THOC1: variants seen among roughly 807,000 people sequenced by gnomAD.
THOC1 encodes the protein THO complex 1.
In THOC1, 29 loss-of-function variants were observed where a neutral mutation model predicts 97.3. The ratio of observed to expected loss-of-function variants is 0.30; its 90% confidence interval spans 0.22 to 0.41. The LOEUF is 0.41. THOC1 is among the 10% of genes least tolerant of loss of function. The pLI is 1.00. For missense variants in THOC1, 529 were observed against 761.9 expected, an observed-to-expected ratio of 0.69 and a Z score of 3.60; for synonymous variants, 255 against 257.0, an observed-to-expected ratio of 0.99 and a Z score of 0.07.
intron 17 of THOC1, among the ~76,000 whole-genome samples, chr18:221,890 G>A (rs965908575): frequency 6.6e-6 from 1 of 152,158 alleles, no homozygotes; most frequent in Non-Finnish European, 1.5e-5. Flanking sequence ...TTACAGGTAT[G>A]AGCCACCGCG....
At chr18:262,073 G>A (rs1326669238) in intron 4 of THOC1, among the ~76,000 whole-genome samples, 1 of 152,138 alleles carries the variant, frequency 6.6e-6, no homozygotes, top group Non-Finnish European at 1.5e-5. Context: ...TCACAATGTT[G>A]TTTTCTGCAT....
In THOC1 at chr18:268,020, C is replaced by T. The variant is rs186687400; in HGVS notation, c.-1G>A. 1.9e-6 allele frequency: 3 copies of T among 1,595,516 alleles called. No individual in the cohort carries two copies. The highest frequency in any genetic ancestry group is 2.7e-5 in the African/African-American group (2 of 74,682). On this transcript the variant is annotated 5_prime_UTR_variant, in exon 1 of 21. Coordinates refer to ENST00000261600, the MANE Select transcript of THOC1 (RefSeq NM_005131.3). ...TGAAGAGCGGCGGCGTCGGAGACAT[C>T]TTCTCGGCTGCGCGTGCCCGCCACT...
intron 17 of THOC1, among the ~76,000 whole-genome samples, chr18:221,071 C>G (rs145742284): frequency 1.2e-3 from 180 of 152,226 alleles, no homozygotes; most frequent in African/African-American, 4.3e-3. Flanking sequence ...TCTACATTTT[C>G]CAATTTCCAT....
intron 11 of THOC1, among the ~76,000 whole-genome samples, chr18:239,733 A>G (rs1173673317): frequency 6.6e-6 from 1 of 152,272 alleles, no homozygotes; most frequent in Non-Finnish European, 1.5e-5. Context: ...TTTAAAAACC[A>G]AAGTTTTAAA....
At chr18:220,658 G>A (rs672856) in intron 17 of THOC1, among the ~76,000 whole-genome samples, 95,038 of 151,948 alleles carry the variant, frequency 0.63, 29,902 homozygotes, top group South Asian at 0.77. Flanking sequence ...GAAGTTCCCC[G>A]TCTTCTCAGA....
chr18:240,048 T>C (rs1911844372), intron 11 of THOC1, among the ~76,000 whole-genome samples: 1 of 152,232 alleles, frequency 6.6e-6, no homozygotes, highest in African/African-American at 2.4e-5. Context: ...GTAAAAATAA[T>C]GAGAGTTCTC....
chr18:238,920 G>C (rs1290210251), intron 11 of THOC1, among the ~76,000 whole-genome samples: 1 of 152,056 alleles, frequency 6.6e-6, no homozygotes, highest in Non-Finnish European at 1.5e-5. Context: ...ACTTTTCTTT[G>C]ATTAAACCAC....
chr18:247,785 A>G (rs1322290119), intron 10 of THOC1, 64 bp downstream of exon 10: 1 of 933,380 alleles, frequency 1.1e-6, no homozygotes, highest in African/African-American at 1.7e-5. Flanking sequence ...GACAAGATTA[A>G]GTTTTAGCTC....
intron 9 of THOC1, among the ~76,000 whole-genome samples, chr18:249,796 T>C (rs1912221826): frequency 1.3e-5 from 2 of 152,206 alleles, no homozygotes; most frequent in African/African-American, 2.4e-5. Context: ...GTTCCATACA[T>C]TTGATAAAGA....
intron 11 of THOC1, among the ~76,000 whole-genome samples, chr18:237,589 A>G (rs1368861785): frequency 6.6e-6 from 1 of 151,224 alleles, no homozygotes; most frequent in Non-Finnish European, 1.5e-5. Flanking sequence ...GAATATACCC[A>G]TTTTCTCCCC....
chr18:244,910 T>C (rs1405707609), intron 11 of THOC1: 1 of 140,408 alleles, frequency 7.1e-6, no homozygotes, highest in African/African-American at 2.7e-5. Context: ...TCTCATCACC[T>C]TCTTCAGTTC....
At chr18:215,293 T>C (rs933936257) in intron 20 of THOC1, 136 bp downstream of exon 20, 5 of 711,108 alleles carry the variant, frequency 7.0e-6, no homozygotes, top group Non-Finnish European at 9.7e-6. Context: ...ATGTTTTAAA[T>C]TCCTCACTAT....
Position 252,539 on chromosome 18 carries a change from C to A in THOC1, c.677G>T (p.Cys226Phe), listed in dbSNP as rs1456033317. The A allele has an allele frequency of 6.2e-7, 1 of 1,610,712 alleles. No homozygotes were observed. The highest frequency in any genetic ancestry group is 2.2e-5 in the East Asian group (1 of 44,782). Residue 226 changes from cysteine to phenylalanine, a missense_variant and splice_region_variant, in exon 9 of 21, where the codon TGC (cysteine) becomes TTC (phenylalanine). Physicochemically the swap from Cys to Phe is radical, Grantham distance 205. Transcript: ENST00000261600. Reference protein sequence around the residue: ...EMGDEEAPTTCSIPIDYNLYR... With the variant: ...EMGDEEAPTTFSIPIDYNLYR... ...AAAAGCTTAGGCTCTGAAAACTCAC[C>A]ACGTTGTTGGAGCTTCCTCGTCTCC...
intron 12 of THOC1, 103 bp downstream of exon 12, chr18:226,698 C>G: frequency 1.3e-6 from 1 of 763,396 alleles, no homozygotes; most frequent in Non-Finnish European, 2.1e-6. Flanking sequence ...TTTAGGGATA[C>G]AGCCTTAACA....
At chr18:253,168 T>A (rs949232420) in intron 8 of THOC1, among the ~76,000 whole-genome samples, 1 of 152,232 alleles carries the variant, frequency 6.6e-6, no homozygotes, top group Non-Finnish European at 1.5e-5. Context: ...CATGTGCCAC[T>A]GGTGGCTGTA....
intron 16 of THOC1, among the ~76,000 whole-genome samples, chr18:223,729 T>G (rs1388902054): frequency 6.6e-6 from 1 of 152,160 alleles, no homozygotes; most frequent in African/African-American, 2.4e-5. Flanking sequence ...TAATCTTTAG[T>G]TTTTTCTAAA....
At chr18:241,819 G>C (rs909222329) in intron 11 of THOC1, among the ~76,000 whole-genome samples, 2 of 152,112 alleles carry the variant, frequency 1.3e-5, no homozygotes, top group Non-Finnish European at 2.9e-5. Context: ...CCTTTTATTT[G>C]GTATAAGTTG....
chr18:224,840 A>T lies in THOC1; in HGVS notation c.1208+84T>A. On this transcript the variant is annotated intron_variant, in intron 15 of 20. Coordinates refer to ENST00000261600, the MANE Select transcript of THOC1 (RefSeq NM_005131.3). ...TATACATGTATTTTTACATGCTATA[A>T]TCATATCGGAGCACATTTTCAAAAG... The T allele has an allele frequency of 2.7e-6, 3 of 1,094,814 alleles. No individual in the cohort carries two copies. In the South Asian group the frequency reaches 4.2e-5, roughly 15 times the overall value. 67.8% of individuals were successfully genotyped at this position (1,094,814 alleles called of 1,614,324 possible).
intron 4 of THOC1, 29 bp downstream of exon 4, chr18:263,997 T>TAAACA: frequency 6.4e-7 from 1 of 1,557,738 alleles, no homozygotes; most frequent in Non-Finnish European, 8.8e-7. Flanking sequence ...AAGATTACTT[T>TAAACA]AAACAAAACA....
Sources: allele counts gnomAD v4.1 joint callset (sites outside exome capture counted in the v4.1 genomes callset), GRCh38; gene constraint gnomAD v4.1.1; transcripts MANE v1.5; gene names NCBI Gene and HGNC (gene_info 2026-07-23, HGNC 2026-07-21).